The following AP2A1 variants were observed in gnomAD, a reference collection of about 807,000 sequenced individuals.
The protein encoded by AP2A1 is adaptor related protein complex 2 subunit alpha 1.
Under a neutral mutation model 107.3 loss-of-function variants are expected in AP2A1, and 21 were observed. The observed-to-expected ratio is 0.20, with a 90% confidence interval of 0.14 to 0.28. The LOEUF is 0.28. Among genes scored for constraint, AP2A1 ranks in the 10% least tolerant of loss-of-function variants. AP2A1 has a pLI of 1.00. For missense variants in AP2A1, 873 were observed against 1,307.7 expected (o/e 0.67, Z 5.13); for synonymous variants, 602 against 564.8 (o/e 1.07, Z -0.93).
Position 49,807,037 on chromosome 19 carries a change from C to CCGGG in AP2A1, c.*279_*280insCGGG. The stretch of plus-strand genomic sequence containing the variant: ...ATGTCTCCTCCCCTCCCACCCCACC[C>CCGGG]TGTTGTAGCCCCTCCTACCCCCTCC... On this transcript the variant is annotated 3_prime_UTR_variant, in exon 23 of 23. Transcript: ENST00000354293. The CCGGG allele has an allele frequency of 6.5e-7, 1 of 1,529,616 alleles. No homozygotes were observed. Among genetic ancestry groups the CCGGG allele is most frequent in the Non-Finnish European group, 8.8e-7 (1 of 1,140,532 alleles). 94.8% of individuals were successfully genotyped at this position (1,529,616 alleles called of 1,614,324 possible).
chr19:49,774,238 G>C (rs1466309573), intron 1 of AP2A1, among the ~76,000 whole-genome samples: 1 of 152,152 alleles, frequency 6.6e-6, no homozygotes, highest in Non-Finnish European at 1.5e-5. Context: ...CCTGTGCCAG[G>C]CTGCCCTGGG....
At chr19:49,772,256 T>TG (rs1568573032) in intron 1 of AP2A1, among the ~76,000 whole-genome samples, 37 of 105,922 alleles carry the variant, frequency 3.5e-4, no homozygotes, top group African/African-American at 1.1e-3. Context: ...GTTTTTTTTT[T>TG]TTTTTTTTTT....
Position 49,800,767 on chromosome 19 carries a change from G to C in AP2A1, c.1456-194G>C, listed in dbSNP as rs539760658. 3 of 517,298 alleles carry C rather than the reference G, an allele frequency of 5.8e-6. No individual in the cohort carries two copies. The African/African-American group carries it at 5.9e-5, about 10-fold the overall frequency. The allele number at this position is 517,298 out of a possible 1,614,324, so 32.0% of individuals were successfully genotyped here. ...ATTACAGGCATGAGCCACTGCTTCC[G>C]GCCCACAGCCCTGTTTTACTTCCTG... On this transcript the variant is annotated intron_variant, in intron 11 of 22. Transcript: ENST00000354293.
chr19:49,781,650 C>A, intron 1 of AP2A1, 107 bp from the exon 2 acceptor site: 1 of 1,161,416 alleles, frequency 8.6e-7, no homozygotes, highest in Non-Finnish European at 1.2e-6. Flanking sequence ...GGCTTGGGGG[C>A]GGAGAAGATC....
chr19:49,767,755 G>A (rs1370704116), intron 1 of AP2A1, among the ~76,000 whole-genome samples: 1 of 152,034 alleles, frequency 6.6e-6, no homozygotes, highest in Non-Finnish European at 1.5e-5. Flanking sequence ...CCTGAGAGTG[G>A]TTGAAAGTCC....
At chr19:49,777,493 G>A (rs1448332391) in intron 1 of AP2A1, among the ~76,000 whole-genome samples, 1 of 151,476 alleles carries the variant, frequency 6.6e-6, no homozygotes, top group East Asian at 1.9e-4. Context: ...AAATTAGCCA[G>A]GCATGGTGGC....
In AP2A1 at chr19:49,767,174, C is replaced by T; in HGVS notation, c.41C>T (p.Ala14Val). The T allele has an allele frequency of 9.3e-6, 15 of 1,611,866 alleles. No individual in the cohort carries two copies. Among genetic ancestry groups the T allele is most frequent in the Non-Finnish European group, 1.3e-5 (15 of 1,179,724 alleles). The stretch of plus-strand genomic sequence containing the variant: ...AAGGGCGATGGGATGCGGGGGCTCG[C>T]GGTGTTCATCTCCGACATCCGGAAC... The part of the protein sequence containing the change: ...VSKGDGMRGL[A>V]VFISDIRNCK... The change falls in exon 1 of 23, where the codon GCG becomes GTG. Residue 14 changes from alanine to valine, a missense_variant. Transcript: ENST00000354293.
chr19:49,779,724 AT>A (rs1321911885), intron 1 of AP2A1, among the ~76,000 whole-genome samples: 3 of 152,018 alleles, frequency 2.0e-5, no homozygotes, highest in African/African-American at 7.3e-5. Flanking sequence ...AGCCCCTATA[AT>A]TTTTACTGAA....
At chr19:49,775,962 C>T (rs1007527499) in intron 1 of AP2A1, among the ~76,000 whole-genome samples, 4 of 152,168 alleles carry the variant, frequency 2.6e-5, no homozygotes, top group African/African-American at 9.7e-5. Flanking sequence ...GGCGTTATCT[C>T]CCCTAACCAG....
chr19:49,770,677 A>G (rs1049615469), intron 1 of AP2A1, among the ~76,000 whole-genome samples: 1 of 152,158 alleles, frequency 6.6e-6, no homozygotes, highest in Non-Finnish European at 1.5e-5. Context: ...TGCCACAGGG[A>G]TGGACCTTGA....
In AP2A1 at chr19:49,807,114, A is replaced by G. The variant is rs2123780897; in HGVS notation, c.*356A>G. The G allele has an allele frequency of 6.2e-7, 1 of 1,610,990 alleles. No homozygotes were observed. Among genetic ancestry groups the G allele is most frequent in the Non-Finnish European group, 8.5e-7 (1 of 1,179,424 alleles). On this transcript the variant is annotated 3_prime_UTR_variant, in exon 23 of 23. Coordinates refer to ENST00000354293, the MANE Select transcript of AP2A1 (RefSeq NM_130787.3). ...AGCGAATAAACAGAGAGACGCTAAC[A>G]GCCCCATGTCTGTGTCCATCACCCA... is the stretch of plus-strand genomic sequence containing the variant.
chr19:49,783,938 A>G (rs2084707612), intron 4 of AP2A1, among the ~76,000 whole-genome samples: 1 of 152,204 alleles, frequency 6.6e-6, no homozygotes, highest in Non-Finnish European at 1.5e-5. Flanking sequence ...CCCTAAGTCA[A>G]CCTTTAGTTT....
chr19:49,802,021 C>T lies in AP2A1; in HGVS notation c.1994C>T (p.Ala665Val), dbSNP rs1438644921. ...SPSADLLGLRAAPPPAAPPAS... is the reference protein window; with the variant it reads ...SPSADLLGLRVAPPPAAPPAS... ...TCCGCCGACCTCCTGGGGCTGCGGG[C>T]AGCCCCTCCCCCGGCAGCACCCCCG... is the stretch of plus-strand genomic sequence containing the variant. Residue 665 changes from alanine (A) to valine (V), a missense_variant, in exon 15 of 23, where the codon GCA becomes GTA. Physicochemically the swap from Ala to Val is moderately conservative, Grantham distance 64 (BLOSUM62 0). Transcript: ENST00000354293. The T allele has an allele frequency of 1.9e-6, 3 of 1,558,792 alleles. No individual in the cohort carries two copies. Among genetic ancestry groups the T allele is most frequent in the African/African-American group, 1.4e-5 (1 of 73,596 alleles).
intron 1 of AP2A1, among the ~76,000 whole-genome samples, chr19:49,777,887 C>T (rs975583549): frequency 2.0e-5 from 3 of 151,936 alleles, no homozygotes; most frequent in Non-Finnish European, 4.4e-5. Flanking sequence ...GAGATCAAAC[C>T]ATTGCATTCC....
intron 6 of AP2A1, among the ~76,000 whole-genome samples, chr19:49,795,417 G>A (rs1026418844): frequency 6.6e-6 from 1 of 152,096 alleles, no homozygotes; most frequent in Non-Finnish European, 1.5e-5. Context: ...AGGACATTGC[G>A]GGACTGAGGT....
intron 4 of AP2A1, among the ~76,000 whole-genome samples, chr19:49,790,378 CCT>C (rs1263927796): frequency 6.6e-6 from 1 of 152,188 alleles, no homozygotes; most frequent in African/African-American, 2.4e-5. Flanking sequence ...CACCCAGGAT[CCT>C]CTCTCCATCT....
At position 49,802,120 on chromosome 19, in the gene AP2A1, C is replaced by G. The variant is rs968855911; in HGVS notation, c.2093C>G (p.Thr698Ser). ...GPAAQPSLGP[T>S]PEEAFLSPGP... is the part of the protein sequence containing the mutation. ...GCCGCCCAGCCCAGCCTGGGGCCCA[C>G]CCCCGAGGAGGCCTTCCTCAGGTAG... The change falls in exon 15 of 23, where the codon ACC becomes AGC. Residue 698 changes from threonine to serine, a missense_variant. Transcript: ENST00000354293. The G allele has an allele frequency of 6.3e-7, 1 of 1,579,024 alleles. No individual in the cohort carries two copies. The highest frequency in any genetic ancestry group is 1.8e-5 in the Admixed American group (1 of 57,018).
rs1415373962 is a variant in AP2A1 at position 49,805,583 on chromosome 19, C to T, written c.2468+7C>T. On this transcript the variant is annotated splice_region_variant and intron_variant, in intron 19 of 22. Transcript: ENST00000354293. ...TGCTGTCCGTGCGCTTCCGGTGAGTCAGGTACGGCGCGGCCGGTGGGCGGA... is the reference window on the plus strand; with the variant it reads ...TGCTGTCCGTGCGCTTCCGGTGAGTTAGGTACGGCGCGGCCGGTGGGCGGA... The T allele has an allele frequency of 7.6e-6, 12 of 1,570,818 alleles. No individual in the cohort carries two copies. The Admixed American group carries it at 2.2e-4, about 29-fold the overall frequency.
chr19:49,776,195 C>T lies in AP2A1; in HGVS notation c.68-5562C>T, dbSNP rs192678266. Among the ~76,000 whole-genome samples the T allele has an allele frequency of 7.2e-5, 11 of 152,148 alleles. No homozygotes were observed. The East Asian group carries it at 1.6e-3, about 21-fold the overall frequency. ...CCCACCTGCTGTGCTCTTCTCCACC[C>T]GCCCCCGCCGCCGCCCGCATCCTCA... On this transcript the variant is annotated intron_variant, in intron 1 of 22. Coordinates refer to ENST00000354293, the MANE Select transcript of AP2A1 (RefSeq NM_130787.3).
Sources: allele counts gnomAD v4.1 joint callset (sites outside exome capture counted in the v4.1 genomes callset), GRCh38; gene constraint gnomAD v4.1.1; transcripts MANE v1.5; gene names NCBI Gene and HGNC (gene_info 2026-07-23, HGNC 2026-07-21).